Variants in GNA14 observed in about 807,000 individuals in gnomAD.
GNA14 encodes the protein guanine nucleotide-binding protein subunit alpha-14.
GNA14 carries 50 observed loss-of-function variants against 42.0 expected under a neutral mutation model. That is an observed-to-expected ratio of 1.19 (90% CI 0.95 to 1.51). The LOEUF is 1.51. GNA14 is among the 40% of genes most tolerant of loss of function. The probability of loss-of-function intolerance (pLI) is 0.00; values close to 1 mark genes in which losing one functional copy is unlikely to be tolerated. For synonymous variants in GNA14, 173 were observed against 163.1 expected (o/e 1.06, Z -0.46); for missense variants, 473 against 446.2 (o/e 1.06, Z -0.54).
intron 1 of GNA14, among the ~76,000 whole-genome samples, chr9:77,590,004 C>T (rs1490646901): frequency 6.6e-6 from 1 of 152,070 alleles, no homozygotes; most frequent in Non-Finnish European, 1.5e-5. Flanking sequence ...GCAACCTCGG[C>T]CTCCCAGGTT....
rs79833340 is a variant in GNA14, at chr9:77,632,278, C to T, written c.124+15392G>A. 3.5e-3 allele frequency among the ~76,000 whole-genome samples: 529 copies of T among 152,278 alleles called. 3 individuals carry two copies. The highest frequency in any genetic ancestry group is 5.8e-3 in the Non-Finnish European group (392 of 68,026). On this transcript the variant is annotated intron_variant, in intron 1 of 6. Transcript: ENST00000341700. ...TCTTGGCACATGGGCATCCTGGGTG[C>T]CATGGGTGCCATGAACAGCAGCTGG...
chr9:77,493,800 G>A (rs184641214), intron 2 of GNA14, among the ~76,000 whole-genome samples: 71 of 152,236 alleles, frequency 4.7e-4, no homozygotes, highest in African/African-American at 1.6e-3. Flanking sequence ...TATCATTGGT[G>A]GAGGGCTTTT....
intron 1 of GNA14, among the ~76,000 whole-genome samples, chr9:77,577,905 C>T (rs983571392): frequency 6.6e-6 from 1 of 152,070 alleles, no homozygotes. Flanking sequence ...TATGAAGATA[C>T]TCATCATCAG....
At chr9:77,458,904 AGGG>A (rs138020529) in intron 2 of GNA14, among the ~76,000 whole-genome samples, 1 of 134,410 alleles carries the variant, frequency 7.4e-6, no homozygotes, top group East Asian at 2.2e-4. Flanking sequence ...CACAAGCTGG[AGGG>A]GGGGGGGTTG....
At chr9:77,469,699 A>C (rs1269436297) in intron 2 of GNA14, among the ~76,000 whole-genome samples, 1 of 152,306 alleles carries the variant, frequency 6.6e-6, no homozygotes, top group East Asian at 1.9e-4. Context: ...ATTACATCAT[A>C]CAGAAAGCTC....
chr9:77,592,118 G>A (rs1399457482), intron 1 of GNA14, among the ~76,000 whole-genome samples: 5 of 152,006 alleles, frequency 3.3e-5, no homozygotes, highest in African/African-American at 1.2e-4. Context: ...GTTTCACAGT[G>A]GTCTCGATCT....
At chr9:77,619,501 G>T (rs12346876) in intron 1 of GNA14, among the ~76,000 whole-genome samples, 49,287 of 151,930 alleles carry the variant, frequency 0.32, 11,634 homozygotes, top group African/African-American at 0.67. Context: ...ATGCCTGGCC[G>T]AATGAGATAT....
rs1201577242 is a variant in GNA14, at chr9:77,424,254, G to T, written c.878-85C>A. On this transcript the variant is annotated intron_variant, in intron 6 of 6. Coordinates refer to ENST00000341700, the MANE Select transcript of GNA14 (RefSeq NM_004297.4). Reference sequence around the variant, plus strand: ...AACCTTTTTTTTGAGACAGAGTCTCGCTCTGTAGCCCAGGCTGGAGTGCAG... The same window carrying T: ...AACCTTTTTTTTGAGACAGAGTCTCTCTCTGTAGCCCAGGCTGGAGTGCAG... 7 of 914,592 alleles carry T rather than the reference G, an allele frequency of 7.7e-6. No homozygotes were observed. The African/African-American group carries it at 8.3e-5, about 11-fold the overall frequency. The allele number at this position is 914,592 out of a possible 1,614,324, so 56.7% of individuals were successfully genotyped here.
intron 2 of GNA14, among the ~76,000 whole-genome samples, chr9:77,467,060 T>G (rs1836248931): frequency 6.6e-6 from 1 of 150,970 alleles, no homozygotes; most frequent in South Asian, 2.1e-4. Context: ...CTTTCACATT[T>G]CAGGGAGTTT....
Position 77,529,138 on chromosome 9 carries a change from G to A in GNA14, c.240C>T (p.Phe80=). Residue 80 remains phenylalanine (F), a synonymous_variant, in exon 2 of 7, where the codon TTC becomes TTT. Transcript: ENST00000341700. ...GFTKLVYQNI[F]TAMQAMIRAM... is the part of the protein sequence containing the mutation. ...CTCTGATCATGGCTTGCATGGCGGT[G>A]AATATGTTTTGGTAAACCAGCTTCG... is the stretch of plus-strand genomic sequence containing the variant. The A allele has an allele frequency of 6.2e-7, 1 of 1,614,134 alleles. No individual in the cohort carries two copies. The highest frequency in any genetic ancestry group is 8.5e-7 in the Non-Finnish European group (1 of 1,179,974).
At chr9:77,548,602 T>C (rs1217626881) in intron 1 of GNA14, among the ~76,000 whole-genome samples, 2 of 152,200 alleles carry the variant, frequency 1.3e-5, no homozygotes, top group South Asian at 2.1e-4. Context: ...TTTCCACATA[T>C]AGCAAATTTT....
intron 2 of GNA14, among the ~76,000 whole-genome samples, chr9:77,480,672 T>G (rs1836533472): frequency 6.6e-6 from 1 of 152,228 alleles, no homozygotes. Flanking sequence ...TGAATCCATC[T>G]GGTCCTGGCT....
chr9:77,440,185 G>T (rs1020182843), intron 2 of GNA14, among the ~76,000 whole-genome samples: 92 of 152,314 alleles, frequency 6.0e-4, no homozygotes, highest in Admixed American at 2.5e-3. Flanking sequence ...GCTCTGACAG[G>T]GAAACCTGGA....
intron 2 of GNA14, among the ~76,000 whole-genome samples, chr9:77,521,801 T>C (rs952857914): frequency 6.6e-6 from 1 of 152,196 alleles, no homozygotes; most frequent in Non-Finnish European, 1.5e-5. Flanking sequence ...TTTCCTAATA[T>C]AATGTCTTTA....
intron 2 of GNA14, among the ~76,000 whole-genome samples, chr9:77,511,499 G>A (rs920478484): frequency 6.6e-6 from 1 of 152,208 alleles, no homozygotes; most frequent in African/African-American, 2.4e-5. Flanking sequence ...AGATAGGAGA[G>A]ACAATGTACG....
At chr9:77,642,430 A>G (rs1278940234) in intron 1 of GNA14, among the ~76,000 whole-genome samples, 1 of 152,192 alleles carries the variant, frequency 6.6e-6, no homozygotes, top group Non-Finnish European at 1.5e-5. Context: ...TTTTATTTTA[A>G]TGTCTATTTT....
intron 1 of GNA14, among the ~76,000 whole-genome samples, chr9:77,610,191 A>G (rs1197748224): frequency 1.3e-5 from 2 of 152,124 alleles, no homozygotes; most frequent in African/African-American, 2.4e-5. Context: ...TATTTCCCCT[A>G]AAAATCATGT....
chr9:77,528,707 C>T (rs188716591), intron 2 of GNA14, among the ~76,000 whole-genome samples: 3 of 152,290 alleles, frequency 2.0e-5, no homozygotes, highest in East Asian at 1.9e-4. Flanking sequence ...ATTCTTGAAA[C>T]GCTGGCCACT....
chr9:77,457,723 C>G (rs965176662), intron 2 of GNA14, among the ~76,000 whole-genome samples: 17 of 152,168 alleles, frequency 1.1e-4, no homozygotes, highest in Admixed American at 3.9e-4. Context: ...CGCCGCCCAG[C>G]CTGCTACTCT....
Sources: allele counts gnomAD v4.1 joint callset (sites outside exome capture counted in the v4.1 genomes callset), GRCh38; gene constraint gnomAD v4.1.1; transcripts MANE v1.5; gene names NCBI Gene and HGNC (gene_info 2026-07-23, HGNC 2026-07-21).